Variants in NUBP2 observed in about 807,000 individuals in gnomAD.
NUBP2 encodes cytosolic Fe-S cluster assembly factor NUBP2.
NUBP2 carries 23 observed loss-of-function variants against 24.9 expected under a neutral mutation model. The ratio of observed to expected loss-of-function variants is 0.92; its 90% CI spans 0.66 to 1.31. NUBP2 has a LOEUF of 1.31. NUBP2 is among the 50% of genes most tolerant of loss of function. The pLI is 0.00. For missense variants in NUBP2, 403 were observed against 386.5 expected, an observed-to-expected ratio of 1.04 and a Z score of -0.36; for synonymous variants, 186 against 170.9, an observed-to-expected ratio of 1.09 and a Z score of -0.69.
Position 1,788,000 on chromosome 16 carries a change from G to T in NUBP2, c.549G>T (p.Arg183=). The T allele has an allele frequency of 6.2e-7, 1 of 1,604,902 alleles. No homozygotes were observed. Among genetic ancestry groups the T allele is most frequent in the Non-Finnish European group, 8.5e-7 (1 of 1,177,238 alleles). Reference sequence around the variant, plus strand: ...CCTTCTGTAGGAAGACGGGCTTGCGGGTGATGGGAATCGTGGAGAATATGA... The same window carrying T: ...CCTTCTGTAGGAAGACGGGCTTGCGTGTGATGGGAATCGTGGAGAATATGA... The part of the protein sequence containing the change: ...ELTFCRKTGL[R]VMGIVENMSG... The change falls in exon 5 of 7, where the codon CGG becomes CGT. Residue 183 remains arginine, a synonymous_variant. Coordinates refer to ENST00000262302, the MANE Select transcript of NUBP2 (RefSeq NM_012225.4).
At position 1,788,016 on chromosome 16, in the gene NUBP2, G is replaced by T; in HGVS notation, c.565G>T (p.Glu189Ter). Residue 189 changes from glutamate to a stop codon, truncating the protein, a stop_gained, in exon 5 of 7, where the codon GAG becomes TAG. Coordinates refer to ENST00000262302, the MANE Select transcript of NUBP2 (RefSeq NM_012225.4). LOFTEE classifies it high-confidence loss of function. Reference protein sequence around the residue: ...KTGLRVMGIVENMSGFTCPHC... With the variant: ...KTGLRVMGIV ...GGGCTTGCGGGTGATGGGAATCGTGGAGAATATGAGCGGCTTCACCTGCCC... is the reference window on the plus strand; with the variant it reads ...GGGCTTGCGGGTGATGGGAATCGTGTAGAATATGAGCGGCTTCACCTGCCC... The T allele has an allele frequency of 6.2e-7, 1 of 1,602,666 alleles. No homozygotes were observed. Among genetic ancestry groups the T allele is most frequent in the South Asian group, 1.1e-5 (1 of 90,150 alleles).
intron 1 of NUBP2, chr16:1,785,060 A>C (rs1896898348): frequency 1.0e-6 from 1 of 983,924 alleles, no homozygotes; most frequent in African/African-American, 1.7e-5. Flanking sequence ...TCAAAATAAA[A>C]ATATACATTT....
chr16:1,786,323 C>T (rs960074448), intron 1 of NUBP2: 3 of 579,066 alleles, frequency 5.2e-6, no homozygotes, highest in East Asian at 2.8e-5. Context: ...CAGGGAGTGC[C>T]GTGGTCTTAG....
intron 3 of NUBP2, 55 bp from the exon 4 acceptor site, chr16:1,787,622 G>A (rs2142004407): frequency 1.3e-6 from 2 of 1,589,196 alleles, no homozygotes; most frequent in East Asian, 4.5e-5. Context: ...GTGGCGCAGG[G>A]CCACGTGTGC....
At position 1,787,807 on chromosome 16, in the gene NUBP2, G is replaced by C; in HGVS notation, c.465G>C (p.Gly155=). 1 of 1,611,582 alleles carries C rather than the reference G, an allele frequency of 6.2e-7. No homozygotes were observed. ...IEALRPYQPL[G]ALVVTTPQAV... ...CCCTGCGTCCCTACCAGCCCCTGGG[G>C]GCCCTCGTGGTCACCACGCCCCAGG... is the stretch of plus-strand genomic sequence containing the variant. Residue 155 remains glycine (G), a synonymous_variant, in exon 4 of 7, where the codon GGG becomes GGC. Transcript: ENST00000262302.
In NUBP2 at chr16:1,788,920, G is replaced by A. The variant is rs1311212186; in HGVS notation, c.*206G>A. ...GTTGGCCTGCAGTGCCGTGGTCTGC[G>A]TGCTCTGCAGCTGTGAGACGGGGGC... On this transcript the variant is annotated 3_prime_UTR_variant, in exon 7 of 7. Transcript: ENST00000262302. 8 of 620,954 alleles carry A rather than the reference G, an allele frequency of 1.3e-5. No homozygotes were observed. Among genetic ancestry groups the A allele is most frequent in the Non-Finnish European group, 1.9e-5 (7 of 376,180 alleles). 38.5% of individuals were successfully genotyped at this position (620,954 alleles called of 1,614,324 possible).
chr16:1,785,141 C>A (rs1231291346), intron 1 of NUBP2: 3 of 990,988 alleles, frequency 3.0e-6, no homozygotes, highest in Non-Finnish European at 3.6e-6. Context: ...GACCGGGACT[C>A]ATTGTCCATG....
At position 1,788,865 on chromosome 16, in the gene NUBP2, C is replaced by T; in HGVS notation, c.*151C>T. 3 of 1,006,742 alleles carry T rather than the reference C, an allele frequency of 3.0e-6. No homozygotes were observed. The highest frequency in any genetic ancestry group is 4.2e-6 in the Non-Finnish European group (3 of 716,944). The allele number at this position is 1,006,742 out of a possible 1,614,324, so 62.4% of individuals were successfully genotyped here. ...AGCTTCTCCCCGACCAGCCCAGCCC[C>T]AGGATGTGTCGCACCAGCAGCTCTG... On this transcript the variant is annotated 3_prime_UTR_variant, in exon 7 of 7. Transcript: ENST00000262302.
chr16:1,783,154 C>T, intron 1 of NUBP2, 118 bp downstream of exon 1: 2 of 1,196,486 alleles, frequency 1.7e-6, no homozygotes, highest in East Asian at 3.5e-5. Context: ...CACCGGCCGG[C>T]GTGGCTGGGC....
intron 3 of NUBP2, chr16:1,787,321 A>G: frequency 2.5e-6 from 1 of 405,758 alleles, no homozygotes. Context: ...AGTGAGGCGC[A>G]GGCTGTGGGT....
chr16:1,783,850 C>T (rs1338239153), intron 1 of NUBP2: 9 of 205,436 alleles, frequency 4.4e-5, no homozygotes, highest in East Asian at 1.9e-4. Flanking sequence ...CCCGCCACCA[C>T]GCCCGGCTAA....
chr16:1,788,531 T>C (rs750372350), intron 6 of NUBP2, 38 bp from the exon 7 acceptor site: 25 of 1,559,778 alleles, frequency 1.6e-5, no homozygotes, highest in Non-Finnish European at 2.2e-5. Context: ...GAGTGGAAGG[T>C]GCGGACATGG....
At chr16:1,783,419 C>G in intron 1 of NUBP2, 1 of 1,024,954 alleles carries the variant, frequency 9.8e-7, no homozygotes, top group African/African-American at 1.7e-5. Flanking sequence ...AAATCACACG[C>G]GCGCAGTCAT....
rs1189878648 is a variant in NUBP2 at position 1,788,779 on chromosome 16, C to G, written c.*65C>G. The G allele has an allele frequency of 1.6e-5, 24 of 1,534,558 alleles. No homozygotes were observed. Among genetic ancestry groups the G allele is most frequent in the Middle Eastern group, 1.7e-4 (1 of 5,718 alleles). Reference sequence around the variant, plus strand: ...GCTCTGCTCCAGCCTCTCAGAGAAACAGAGGCCTGGGCTCGGTTCCCGGGC... The same window carrying G: ...GCTCTGCTCCAGCCTCTCAGAGAAAGAGAGGCCTGGGCTCGGTTCCCGGGC... On this transcript the variant is annotated 3_prime_UTR_variant, in exon 7 of 7. Coordinates refer to ENST00000262302, the MANE Select transcript of NUBP2 (RefSeq NM_012225.4).
chr16:1,789,089 C>T lies in NUBP2; in HGVS notation c.*375C>T, dbSNP rs1167990317. The T allele has an allele frequency of 1.0e-5, 2 of 200,876 alleles. No individual in the cohort carries two copies. The highest frequency in any genetic ancestry group is 2.0e-5 in the Non-Finnish European group (2 of 100,168). The allele number at this position is 200,876 out of a possible 1,614,324, so 12.4% of individuals were successfully genotyped here. ...CTGGGTCGCTGTCATCTGTGTTTAG[C>T]TCGGGGAGTGCCCCCTAAGGGGGCG... On this transcript the variant is annotated 3_prime_UTR_variant, in exon 7 of 7. Transcript: ENST00000262302.
At chr16:1,787,611 A>G (rs1690347031) in intron 3 of NUBP2, 66 bp from the exon 4 acceptor site, 1 of 1,575,644 alleles carries the variant, frequency 6.3e-7, no homozygotes. Context: ...GCTGGTTCTT[A>G]GTGGCGCAGG....
intron 1 of NUBP2, chr16:1,783,249 C>T (rs1896805861): frequency 8.6e-7 from 1 of 1,161,732 alleles, no homozygotes; most frequent in Non-Finnish European, 1.1e-6. Flanking sequence ...TCCGTGATCT[C>T]GGAGGGCCTG....
rs754822958 is a variant in NUBP2 at position 1,785,489 on chromosome 16, C to G, written c.17-1048C>G. The G allele has an allele frequency of 7.8e-4, 928 of 1,190,942 alleles. 2 individuals are homozygous for G. The highest frequency in any genetic ancestry group is 7.5e-4 in the Non-Finnish European group (704 of 942,630). 73.8% of individuals were successfully genotyped at this position (1,190,942 alleles called of 1,614,324 possible). On this transcript the variant is annotated intron_variant, in intron 1 of 6. Coordinates refer to ENST00000262302, the MANE Select transcript of NUBP2 (RefSeq NM_012225.4). ...CATGGCAGTCAGGACCCAGGCCTGA[C>G]AGAGTCCCCGGCAGCTACAGAAGTG...
At chr16:1,783,543 C>G (rs1174704803) in intron 1 of NUBP2, 1 of 977,378 alleles carries the variant, frequency 1.0e-6, no homozygotes, top group African/African-American at 1.8e-5. Context: ...CCAGTGGGGA[C>G]GATCCGTTCG....
Sources: allele counts gnomAD v4.1 joint callset, GRCh38; gene constraint gnomAD v4.1.1; transcripts MANE v1.5; gene names NCBI Gene and HGNC (gene_info 2026-07-23, HGNC 2026-07-21).